The following REXO5 variants were observed in gnomAD, a reference collection of about 807,000 sequenced individuals.
REXO5 encodes RNA exonuclease 5, also known as exonuclease NEF-sp.
In REXO5, 48 loss-of-function variants were observed where a neutral mutation model predicts 88.5. The observed-to-expected ratio is 0.54, with a 90% CI of 0.43 to 0.69. The LOEUF (loss-of-function observed/expected upper bound fraction) is 0.69, where lower values mean the gene tolerates loss of function less well. Ranked by LOEUF, REXO5 falls within the 30% of genes least tolerant of loss-of-function variation. REXO5 has a pLI of 0.00. For synonymous variants in REXO5, 311 were observed against 336.5 expected, an observed-to-expected ratio of 0.92 and a Z score of 0.83; for missense variants, 749 against 912.2, an observed-to-expected ratio of 0.82 and a Z score of 2.30.
chr16:20,844,301 T>C (rs2081574621), intron 16 of REXO5, among the ~76,000 whole-genome samples: 1 of 152,206 alleles, frequency 6.6e-6, no homozygotes, highest in African/African-American at 2.4e-5. Flanking sequence ...GGTTGGTTCT[T>C]TGTGGTTACC....
chr16:20,806,910 G>A (rs892360572), intron 1 of REXO5, 42 bp from the exon 2 acceptor site: 1 of 1,547,636 alleles, frequency 6.5e-7, no homozygotes. Context: ...GGGGAATAGG[G>A]GCGCTGGAGT....
At chr16:20,813,340 G>GTTTTT (rs1555490620) in intron 3 of REXO5, 38 bp downstream of exon 3, 2 of 977,322 alleles carry the variant, frequency 2.0e-6, no homozygotes, top group Admixed American at 2.9e-5. Context: ...TTGACCAGCG[G>GTTTTT]TTTCTTTTTT....
At chr16:20,816,947 TG>T (rs1309344176) in intron 5 of REXO5, among the ~76,000 whole-genome samples, 18 of 152,334 alleles carry the variant, frequency 1.2e-4, no homozygotes, top group South Asian at 1.0e-3. Flanking sequence ...GAAAGATTCA[TG>T]ATAGCAGTGT....
At chr16:20,828,677 C>T (rs2081294173) in intron 11 of REXO5, 140 bp downstream of exon 11, 1 of 605,416 alleles carries the variant, frequency 1.7e-6, no homozygotes, top group Admixed American at 2.4e-5. Context: ...GCCTGTAATC[C>T]CAGCACTTTG....
At chr16:20,814,873 T>C in intron 3 of REXO5, 54 bp from the exon 4 acceptor site, 2 of 1,557,712 alleles carry the variant, frequency 1.3e-6, no homozygotes, top group Non-Finnish European at 1.7e-6. Flanking sequence ...TCTATATGAC[T>C]GTAACTGACT....
rs1423063738 is a variant in REXO5 at position 20,835,930 on chromosome 16, C to T, written c.1383+2807C>T. Among the ~76,000 whole-genome samples the T allele has an allele frequency of 2.0e-5, 3 of 152,142 alleles. No homozygotes were observed. The South Asian group carries it at 6.2e-4, about 32-fold the overall frequency. On this transcript the variant is annotated intron_variant, in intron 13 of 19. Coordinates refer to ENST00000261377, the MANE Select transcript of REXO5 (RefSeq NM_030941.3). ...TAGCACATGCCTGTGGTCCCAGCTG[C>T]TCAGGAGGCTGAGATGGGAGGATTG...
chr16:20,827,615 G>C (rs1330203339), intron 10 of REXO5, among the ~76,000 whole-genome samples, 168 bp downstream of exon 10: 1 of 152,088 alleles, frequency 6.6e-6, no homozygotes, highest in Non-Finnish European at 1.5e-5. Context: ...ATAGAGACAG[G>C]GGTTTACATT....
chr16:20,816,006 A>G, intron 4 of REXO5, 110 bp from the exon 5 acceptor site: 8 of 807,966 alleles, frequency 9.9e-6, no homozygotes, highest in South Asian at 1.7e-5. Flanking sequence ...AATGCTAACA[A>G]TTACTGTCTA....
chr16:20,807,115 G>A, intron 2 of REXO5, 24 bp downstream of exon 2: 1 of 1,582,162 alleles, frequency 6.3e-7, no homozygotes, highest in Non-Finnish European at 8.6e-7. Context: ...ATCCCGAGCA[G>A]GCGGCCCTAG....
chr16:20,844,818 G>A lies in REXO5; in HGVS notation c.1909G>A (p.Gly637Arg), dbSNP rs779426330. ...GATCTTGCCTAAAGATCTTAAAAGT[G>A]GAAAGCAGAAAAAATACTGTTTCCT... is the stretch of plus-strand genomic sequence containing the variant. ...AVILPKDLKS[G>R]KQKKYCFLKF... The change falls in exon 17 of 20, where the codon GGA (glycine) becomes AGA (arginine). Residue 637 changes from glycine (G) to arginine (R), a missense_variant. Coordinates refer to ENST00000261377, the MANE Select transcript of REXO5 (RefSeq NM_030941.3). 2 of 1,613,936 alleles carry A rather than the reference G, an allele frequency of 1.2e-6. No individual in the cohort carries two copies. The highest frequency in any genetic ancestry group is 8.5e-7 in the Non-Finnish European group (1 of 1,180,016).
chr16:20,807,321 G>A, intron 2 of REXO5: 5 of 546,654 alleles, frequency 9.1e-6, no homozygotes, highest in Non-Finnish European at 1.6e-5. Context: ...GCTCATGCCT[G>A]TAATTCCAGC....
chr16:20,809,986 T>G (rs1438778340), intron 2 of REXO5, among the ~76,000 whole-genome samples: 2 of 152,256 alleles, frequency 1.3e-5, no homozygotes, highest in Non-Finnish European at 2.9e-5. Context: ...TTGTGATGCT[T>G]TAAATATCCA....
chr16:20,807,941 G>A, intron 2 of REXO5, among the ~76,000 whole-genome samples: 1 of 152,138 alleles, frequency 6.6e-6, no homozygotes, highest in East Asian at 1.9e-4. Flanking sequence ...CAGCTGGCCT[G>A]TTAGGAACCG....
intron 17 of REXO5, 52 bp downstream of exon 17, chr16:20,844,897 A>G (rs1255228934): frequency 1.3e-6 from 2 of 1,568,796 alleles, no homozygotes; most frequent in Non-Finnish European, 1.8e-6. Flanking sequence ...GGGGATGGTG[A>G]TAACATGAGG....
In REXO5 at chr16:20,806,991, G is replaced by A; in HGVS notation, c.38G>A (p.Arg13Lys). The A allele has an allele frequency of 1.9e-6, 3 of 1,599,894 alleles. No individual in the cohort carries two copies. The highest frequency in any genetic ancestry group is 2.6e-6 in the Non-Finnish European group (3 of 1,173,338). Reference protein sequence around the residue: ...PEREGTERHPRKVRESRQAPN... With the variant: ...PEREGTERHPKKVRESRQAPN... ...AGGGAAGGGACCGAGAGACACCCCA[G>A]GAAGGTCAGGGAAAGCAGGCAGGCC... is the stretch of plus-strand genomic sequence containing the variant. Residue 13 changes from arginine to lysine, a missense_variant, in exon 2 of 20, where the codon AGG becomes AAG. By Grantham distance (26) the Arg-to-Lys change is conservative. Coordinates refer to ENST00000261377, the MANE Select transcript of REXO5 (RefSeq NM_030941.3).
intron 10 of REXO5, among the ~76,000 whole-genome samples, 197 bp from the exon 11 acceptor site, chr16:20,828,238 A>G (rs900024689): frequency 1.9e-4 from 29 of 152,144 alleles, no homozygotes; most frequent in African/African-American, 6.5e-4. Context: ...GAACAAAGCT[A>G]TTCCTGATTG....
At chr16:20,815,447 C>G (rs2081066688) in intron 4 of REXO5, among the ~76,000 whole-genome samples, 1 of 152,096 alleles carries the variant, frequency 6.6e-6, no homozygotes, top group African/African-American at 2.4e-5. Context: ...GTCCATTTTC[C>G]CGTAGCCTCT....
intron 13 of REXO5, among the ~76,000 whole-genome samples, chr16:20,834,240 C>G (rs565819559): frequency 5.9e-5 from 9 of 152,196 alleles, no homozygotes; most frequent in Non-Finnish European, 1.0e-4. Flanking sequence ...ATTTTGATCA[C>G]CTGGTCAAGG....
At chr16:20,825,489 G>A (rs1301193958) in intron 7 of REXO5, 1 of 178,592 alleles carries the variant, frequency 5.6e-6, no homozygotes, top group Non-Finnish European at 1.2e-5. Context: ...TCTTAGTACA[G>A]CACTAGCTGA....
Sources: allele counts gnomAD v4.1 joint callset (sites outside exome capture counted in the v4.1 genomes callset), GRCh38; gene constraint gnomAD v4.1.1; transcripts MANE v1.5; gene names NCBI Gene and HGNC (gene_info 2026-07-23, HGNC 2026-07-21).